SLC4A4: variants seen among roughly 807,000 people sequenced by gnomAD.
The protein encoded by SLC4A4 is electrogenic sodium bicarbonate cotransporter 1.
A neutral mutation model predicts 111.5 loss-of-function variants in SLC4A4; 27 were observed. The ratio of observed to expected loss-of-function variants is 0.24; its 90% CI spans 0.18 to 0.33. SLC4A4 has a LOEUF of 0.33. SLC4A4 is among the 10% of genes least tolerant of loss of function. The probability of loss-of-function intolerance (pLI) is 1.00; values close to 1 mark genes in which losing one functional copy is unlikely to be tolerated. For missense variants in SLC4A4, 909 were observed against 1,315.5 expected, an observed-to-expected ratio of 0.69 and a Z score of 4.78; for synonymous variants, 443 against 463.4, an observed-to-expected ratio of 0.96 and a Z score of 0.57.
At chr4:71,477,726 A>T (rs148006535) in intron 14 of SLC4A4, among the ~76,000 whole-genome samples, 1 of 151,928 alleles carries the variant, frequency 6.6e-6, no homozygotes, top group Admixed American at 6.6e-5. Flanking sequence ...GGAAAAGAAC[A>T]TGGGCATCCC....
At chr4:71,497,388 T>C in intron 15 of SLC4A4, 113 bp from the exon 16 acceptor site, 1 of 885,402 alleles carries the variant, frequency 1.1e-6, no homozygotes, top group Non-Finnish European at 1.8e-6. Flanking sequence ...GTGCTTATTT[T>C]CAAACTGTTT....
intron 3 of SLC4A4, among the ~76,000 whole-genome samples, chr4:71,313,335 GA>G (rs1470103226): frequency 1.3e-5 from 2 of 152,194 alleles, no homozygotes; most frequent in Non-Finnish European, 2.9e-5. Flanking sequence ...TCAATATCGT[GA>G]AAATGGCCAT....
intron 2 of SLC4A4, among the ~76,000 whole-genome samples, chr4:71,149,788 G>A (rs1744266582): frequency 6.6e-6 from 1 of 152,044 alleles, no homozygotes; most frequent in African/African-American, 2.4e-5. Flanking sequence ...TGGCTTTTCT[G>A]TTCTTATCAC....
chr4:71,084,906 T>C (rs562874150), intron 1 of SLC4A4, among the ~76,000 whole-genome samples: 2 of 152,212 alleles, frequency 1.3e-5, no homozygotes, highest in East Asian at 3.9e-4. Context: ...TTATAATCCT[T>C]TGGGTATATA....
At chr4:71,268,459 G>A (rs1722464256) in intron 3 of SLC4A4, among the ~76,000 whole-genome samples, 1 of 152,152 alleles carries the variant, frequency 6.6e-6, no homozygotes, top group Admixed American at 6.5e-5. Flanking sequence ...CCAGAGCATG[G>A]AAGTGTTTAT....
intron 16 of SLC4A4, among the ~76,000 whole-genome samples, chr4:71,519,477 A>G (rs74909297): frequency 0.12 from 17,781 of 152,236 alleles, 1,258 homozygotes; most frequent in African/African-American, 0.19. Context: ...ACCAAATTAT[A>G]AAATACACAG....
intron 2 of SLC4A4, among the ~76,000 whole-genome samples, chr4:71,167,169 G>A (rs184317242): frequency 9.9e-5 from 15 of 152,234 alleles, no homozygotes; most frequent in Admixed American, 7.2e-4. Flanking sequence ...TGACTCACAT[G>A]TGCCTGTGTT....
At chr4:71,554,853 C>A (rs1250593697) in intron 20 of SLC4A4, among the ~76,000 whole-genome samples, 1 of 151,630 alleles carries the variant, frequency 6.6e-6, no homozygotes, top group African/African-American at 2.4e-5. Flanking sequence ...GGAAACATAA[C>A]TTTTCCTCCA....
At chr4:71,251,067 G>C (rs541936320) in intron 2 of SLC4A4, among the ~76,000 whole-genome samples, 1 of 152,306 alleles carries the variant, frequency 6.6e-6, no homozygotes, top group African/African-American at 2.4e-5. Context: ...TGTTTCCCAG[G>C]AAGGAGCTAA....
intron 1 of SLC4A4, 77 bp from the exon 2 acceptor site, chr4:71,236,499 C>A: frequency 1.5e-6 from 2 of 1,354,252 alleles, no homozygotes; most frequent in Non-Finnish European, 2.1e-6. Flanking sequence ...GGTTAACCTG[C>A]CCAGAAGCTG....
intron 6 of SLC4A4, among the ~76,000 whole-genome samples, chr4:71,371,245 C>CT (rs71213506): frequency 0.78 from 93,348 of 120,010 alleles, 37,920 homozygotes; most frequent in Non-Finnish European, 0.89. Context: ...CCAGGAATGC[C>CT]TTTTTTTTTT....
chr4:71,113,417 G>A (rs1308946508), intron 2 of SLC4A4, among the ~76,000 whole-genome samples: 1 of 152,198 alleles, frequency 6.6e-6, no homozygotes, highest in Non-Finnish European at 1.5e-5. Context: ...AGCAGAAGAT[G>A]TGCTTGGCAA....
chr4:71,555,207 A>T lies in SLC4A4; in HGVS notation c.2762A>T (p.Gln921Leu). The T allele has an allele frequency of 6.2e-7, 1 of 1,604,792 alleles. No individual in the cohort carries two copies. The highest frequency in any genetic ancestry group is 8.5e-7 in the Non-Finnish European group (1 of 1,172,172). The change falls in exon 21 of 26, where the codon CAG becomes CTG. Residue 921 changes from glutamine to leucine, a missense_variant and splice_region_variant. Transcript: ENST00000264485. ...GGAGTAGCATCCCTTAATGGTGTGC[A>T]GGTAAGTTTTTGAATAGCAATGTAA... ...YMGVASLNGV[Q>L]FMDRLKLLLM...
chr4:71,193,363 G>T lies in SLC4A4; in HGVS notation c.-2+5962G>T, dbSNP rs553990486. Among the ~76,000 whole-genome samples, 8 of 152,274 alleles carry T rather than the reference G, an allele frequency of 5.3e-5. No individual in the cohort carries two copies. In the South Asian group the frequency reaches 1.7e-3, roughly 32 times the overall value. The stretch of plus-strand genomic sequence containing the variant: ...TTTAGTAGAGACAGGGTTTCACCGT[G>T]TTAGCCAGGATGGTCTCGATCTCCT... On this transcript the variant is annotated intron_variant, in intron 1 of 25. Transcript: ENST00000264485.
At chr4:71,176,366 T>A (rs1204679348) in intron 2 of SLC4A4, among the ~76,000 whole-genome samples, 1 of 151,768 alleles carries the variant, frequency 6.6e-6, no homozygotes, top group Non-Finnish European at 1.5e-5. Context: ...AGGCTTCAGG[T>A]GATCAAACTA....
intron 3 of SLC4A4, among the ~76,000 whole-genome samples, chr4:71,261,822 G>A (rs1215387213): frequency 2.0e-5 from 3 of 152,150 alleles, no homozygotes; most frequent in Non-Finnish European, 2.9e-5. Flanking sequence ...CACGTGTCAT[G>A]GGAGAGTTGA....
intron 3 of SLC4A4, among the ~76,000 whole-genome samples, chr4:71,290,270 A>C (rs915487457): frequency 6.6e-6 from 1 of 152,164 alleles, no homozygotes; most frequent in Non-Finnish European, 1.5e-5. Context: ...GGTGGTGACT[A>C]TTGAGGGAGA....
chr4:71,440,375 C>A (rs915256558), intron 7 of SLC4A4, among the ~76,000 whole-genome samples: 1 of 152,054 alleles, frequency 6.6e-6, no homozygotes, highest in Non-Finnish European at 1.5e-5. Context: ...TATATGTAAA[C>A]CATGTGATTA....
intron 2 of SLC4A4, among the ~76,000 whole-genome samples, chr4:71,181,318 A>G (rs1465928312): frequency 6.6e-6 from 1 of 152,140 alleles, no homozygotes; most frequent in Admixed American, 6.5e-5. Context: ...ATACAGATGT[A>G]ACTAACCTGC....
Sources: gnomAD v4.1 joint callset for allele counts (sites outside exome capture counted in the v4.1 genomes callset) on GRCh38, gnomAD v4.1.1 for gene constraint, MANE v1.5 for transcripts, NCBI Gene and HGNC (gene_info 2026-07-23, HGNC 2026-07-21) for gene names.